Variants in CCDC126 observed in about 807,000 individuals in gnomAD.
CCDC126 encodes the protein coiled-coil domain-containing protein 126.
In CCDC126, 5 loss-of-function variants were observed where a neutral mutation model predicts 11.7. The ratio of observed to expected loss-of-function variants is 0.43; its 90% CI spans 0.22 to 0.90. The LOEUF is 0.90. CCDC126 is among the 40% of genes least tolerant of loss of function. The pLI is 0.27. For synonymous variants in CCDC126, 60 were observed against 61.9 expected (o/e 0.97, Z 0.14); for missense variants, 150 against 163.1 (o/e 0.92, Z 0.44).
rs1293728442 is a variant in CCDC126 at position 23,643,164 on chromosome 7, A to G, written c.*49A>G. On this transcript the variant is annotated 3_prime_UTR_variant, in exon 4 of 4. Coordinates refer to ENST00000307471, the MANE Select transcript of CCDC126 (RefSeq NM_138771.4). ...CTCCATCCACTGTGGATTATATCCT[A>G]TGGCAGAAAAGCTTTATAATTGCTG... 2.4e-5 allele frequency: 37 copies of G among 1,521,196 alleles called. No homozygotes were observed. Among genetic ancestry groups the G allele is most frequent in the African/African-American group, 5.5e-5 (4 of 72,446 alleles). 94.2% of individuals were successfully genotyped at this position (1,521,196 alleles called of 1,614,324 possible). A position where few individuals can be genotyped will look rare whatever the true frequency, so the allele number is the denominator to read the frequency against.
chr7:23,611,629 T>A, intron 3 of CCDC126, 76 bp downstream of exon 3: 1 of 1,008,974 alleles, frequency 9.9e-7, no homozygotes, highest in Non-Finnish European at 1.5e-6. Flanking sequence ...AACTTATTAC[T>A]TCATGCATAG....
At chr7:23,604,522 G>A (rs1221282326) in intron 2 of CCDC126, among the ~76,000 whole-genome samples, 1 of 152,074 alleles carries the variant, frequency 6.6e-6, no homozygotes, top group Non-Finnish European at 1.5e-5. Context: ...AGAATTAGTA[G>A]CATTGTTGCA....
intron 3 of CCDC126, among the ~76,000 whole-genome samples, chr7:23,635,121 CAG>C (rs1369147811): frequency 1.3e-5 from 2 of 152,176 alleles, no homozygotes; most frequent in Admixed American, 1.3e-4. Context: ...AAAGTAGAAA[CAG>C]AGCAACCTTA....
intron 3 of CCDC126, among the ~76,000 whole-genome samples, chr7:23,641,062 G>GT (rs1783347914): frequency 9.4e-6 from 1 of 106,526 alleles, no homozygotes; most frequent in African/African-American, 3.6e-5. Context: ...GCAATTTTAT[G>GT]TTTAAGTTTT....
In CCDC126 at chr7:23,643,116, C is replaced by A; in HGVS notation, c.*1C>A. The A allele has an allele frequency of 6.2e-7, 1 of 1,612,406 alleles. No individual in the cohort carries two copies. The highest frequency in any genetic ancestry group is 8.5e-7 in the Non-Finnish European group (1 of 1,179,026). The stretch of plus-strand genomic sequence containing the variant: ...GAATGTCTCGGGCAGTATCAGATAG[C>A]AGTTGAAAATCACCTTGTGCTGCTC... On this transcript the variant is annotated 3_prime_UTR_variant, in exon 4 of 4. Transcript: ENST00000307471.
Position 23,643,241 on chromosome 7 carries a change from G to A in CCDC126, c.*126G>A. 1 of 823,802 alleles carries A rather than the reference G, an allele frequency of 1.2e-6. No homozygotes were observed. Among genetic ancestry groups the A allele is most frequent in the Non-Finnish European group, 1.8e-6 (1 of 541,154 alleles). 51.0% of individuals were successfully genotyped at this position (823,802 alleles called of 1,614,324 possible). On this transcript the variant is annotated 3_prime_UTR_variant, in exon 4 of 4. Coordinates refer to ENST00000307471, the MANE Select transcript of CCDC126 (RefSeq NM_138771.4). The stretch of plus-strand genomic sequence containing the variant: ...TAAAAGCTCTACACATTTTCAAGGA[G>A]TATGCTGGATTCATGGAACTCTAAT...
In CCDC126 at chr7:23,600,379, C is replaced by CG. The variant is rs1554359062; in HGVS notation, c.-146+2328_-146+2329insG. Among the ~76,000 whole-genome samples the CG allele has an allele frequency of 5.6e-5, 7 of 125,872 alleles. 1 individual carries two copies. The highest frequency in any genetic ancestry group is 9.5e-5 in the Non-Finnish European group (6 of 63,172). 82.6% of individuals were successfully genotyped at this position (125,872 alleles called of 152,430 possible). A position where few individuals can be genotyped will look rare whatever the true frequency, so the allele number is the denominator to read the frequency against. The stretch of plus-strand genomic sequence containing the variant: ...AATGGCTGTGTTCTGTGTTAACCCC[C>CG]CCCCCCCCACCACCATATTAGCCTC... On this transcript the variant is annotated intron_variant, in intron 2 of 3. Coordinates refer to ENST00000307471, the MANE Select transcript of CCDC126 (RefSeq NM_138771.4).
At chr7:23,634,466 AAAACAAAC>A (rs138777876) in intron 3 of CCDC126, among the ~76,000 whole-genome samples, 1 of 152,226 alleles carries the variant, frequency 6.6e-6, no homozygotes, top group African/African-American at 2.4e-5. Context: ...CATGTCTCAA[AAAACAAAC>A]AAACAAACAA....
chr7:23,643,802 A>G lies in CCDC126; in HGVS notation c.*687A>G, dbSNP rs1360199188. 1 of 152,196 alleles carries G rather than the reference A, an allele frequency of 6.6e-6. No homozygotes were observed. The highest frequency in any genetic ancestry group is 1.5e-5 in the Non-Finnish European group (1 of 67,992). The allele number at this position is 152,196 out of a possible 1,614,324, so 9.4% of individuals were successfully genotyped here. A position where few individuals can be genotyped will look rare whatever the true frequency, so the allele number is the denominator to read the frequency against. ...TCGTAAACATTGGGGCAATTTAATA[A>G]CAGCATTAAAATAGTTGTAAACTCT... On this transcript the variant is annotated 3_prime_UTR_variant, in exon 4 of 4. Coordinates refer to ENST00000307471, the MANE Select transcript of CCDC126 (RefSeq NM_138771.4).
At chr7:23,626,801 C>T (rs563987737) in intron 3 of CCDC126, among the ~76,000 whole-genome samples, 1 of 152,314 alleles carries the variant, frequency 6.6e-6, no homozygotes, top group East Asian at 1.9e-4. Context: ...TTTAAAAATG[C>T]TAGTCTATAA....
intron 3 of CCDC126, among the ~76,000 whole-genome samples, chr7:23,636,075 G>A (rs1187120263): frequency 3.9e-5 from 6 of 151,936 alleles, no homozygotes; most frequent in Non-Finnish European, 7.4e-5. Flanking sequence ...TGTGTTGGCC[G>A]GGCTGGTCTC....
chr7:23,625,365 T>C (rs572399007), intron 3 of CCDC126, among the ~76,000 whole-genome samples: 1 of 152,302 alleles, frequency 6.6e-6, no homozygotes, highest in East Asian at 1.9e-4. Context: ...TTAATAGACA[T>C]TTGTCAGATT....
intron 3 of CCDC126, among the ~76,000 whole-genome samples, chr7:23,613,548 A>G (rs1782749611): frequency 6.6e-6 from 1 of 152,148 alleles, no homozygotes; most frequent in Non-Finnish European, 1.5e-5. Context: ...TTAACTTCTC[A>G]TTAAGCAAGG....
chr7:23,637,289 G>A (rs1368001966), intron 3 of CCDC126, among the ~76,000 whole-genome samples: 3 of 16,662 alleles, frequency 1.8e-4, no homozygotes, highest in Admixed American at 4.7e-4. Flanking sequence ...CAGCCGCCCC[G>A]TCCGGGAGGG....
At chr7:23,613,661 T>C (rs1344485358) in intron 3 of CCDC126, among the ~76,000 whole-genome samples, 7 of 152,186 alleles carry the variant, frequency 4.6e-5, no homozygotes, top group Non-Finnish European at 8.8e-5. Flanking sequence ...CCTTCATAAT[T>C]TTGTTTAGAA....
At chr7:23,631,472 GTTAAGGAAAT>G (rs1375356371) in intron 3 of CCDC126, among the ~76,000 whole-genome samples, 1 of 152,060 alleles carries the variant, frequency 6.6e-6, no homozygotes, top group Non-Finnish European at 1.5e-5. Flanking sequence ...CCCTATTACT[GTTAAGGAAAT>G]TTGGCCAAGT....
intron 3 of CCDC126, among the ~76,000 whole-genome samples, chr7:23,630,446 C>T (rs188880729): frequency 5.9e-5 from 9 of 151,558 alleles, no homozygotes; most frequent in South Asian, 2.1e-4. Flanking sequence ...TGCAGTGAGC[C>T]GAGATTGTGC....
intron 2 of CCDC126, among the ~76,000 whole-genome samples, chr7:23,599,421 A>G (rs936129942): frequency 6.6e-6 from 1 of 152,110 alleles, no homozygotes; most frequent in Non-Finnish European, 1.5e-5. Context: ...ATGATTGGCC[A>G]CGGCTGTGAC....
rs545765342 is a variant in CCDC126 at position 23,621,532 on chromosome 7, C to A, written c.238+9979C>A. Among the ~76,000 whole-genome samples, 6 of 152,312 alleles carry A rather than the reference C, an allele frequency of 3.9e-5. No homozygotes were observed. The South Asian group carries it at 1.2e-3, about 32-fold the overall frequency. On this transcript the variant is annotated intron_variant, in intron 3 of 3. Coordinates refer to ENST00000307471, the MANE Select transcript of CCDC126 (RefSeq NM_138771.4). ...CAATCATGTCATCTGCAAACAGGGA[C>A]AATTGGACTTCCTCTTTTCCTAATT...
Sources: allele counts gnomAD v4.1 joint callset (sites outside exome capture counted in the v4.1 genomes callset), GRCh38; gene constraint gnomAD v4.1.1; transcripts MANE v1.5; gene names NCBI Gene and HGNC (gene_info 2026-07-23, HGNC 2026-07-21).